Variants in HDAC9 observed in about 807,000 individuals in gnomAD.
The protein encoded by HDAC9 is MEF-2 interacting transcription repressor (MITR) protein.
HDAC9 carries 41 observed loss-of-function variants against 139.4 expected under a neutral mutation model. The observed-to-expected ratio is 0.29, with a 90% confidence interval of 0.23 to 0.38. The LOEUF is 0.38. Among genes scored for constraint, HDAC9 ranks in the 10% least tolerant of loss-of-function variants. HDAC9 has a pLI of 1.00. For synonymous variants in HDAC9, 517 were observed against 476.2 expected (o/e 1.09, Z -1.12); for missense variants, 1,147 against 1,297.0 (o/e 0.88, Z 1.78).
chr7:18,948,984 T>A, intron 23 of HDAC9: 1 of 392,364 alleles, frequency 2.5e-6, no homozygotes, highest in Non-Finnish European at 4.9e-6. Flanking sequence ...TTGATGAAAT[T>A]GGTTTCCAAT....
At chr7:18,688,114 G>A (rs1333907776) in intron 12 of HDAC9, among the ~76,000 whole-genome samples, 1 of 151,668 alleles carries the variant, frequency 6.6e-6, no homozygotes, top group African/African-American at 2.4e-5. Context: ...CTATATGTGT[G>A]TGTATTATTT....
At chr7:18,480,515 G>A (rs1019376847) in intron 1 of HDAC9, among the ~76,000 whole-genome samples, 31 of 152,182 alleles carry the variant, frequency 2.0e-4, no homozygotes, top group African/African-American at 6.0e-4. Context: ...GGGAGGGAGA[G>A]TGGTTAGGTA....
chr7:18,614,500 T>A (rs983254857), intron 6 of HDAC9, among the ~76,000 whole-genome samples: 2 of 152,168 alleles, frequency 1.3e-5, no homozygotes, highest in Admixed American at 6.6e-5. Flanking sequence ...TTTTCAGATG[T>A]ATTTTTTTTT....
intron 17 of HDAC9, among the ~76,000 whole-genome samples, chr7:18,819,590 C>G (rs1264213735): frequency 5.9e-5 from 9 of 152,036 alleles, no homozygotes; most frequent in Non-Finnish European, 1.0e-4. Context: ...CAAATATTCT[C>G]TTGTACTTCC....
intron 3 of HDAC9, among the ~76,000 whole-genome samples, chr7:18,588,342 C>T (rs1448404229): frequency 1.3e-5 from 2 of 151,704 alleles, no homozygotes; most frequent in Non-Finnish European, 2.9e-5. Flanking sequence ...CTGAAATGCC[C>T]GGGACCAGAA....
intron 1 of HDAC9, among the ~76,000 whole-genome samples, chr7:18,100,889 A>G (rs111814191): frequency 0.011 from 1,707 of 152,138 alleles, 20 homozygotes; most frequent in Non-Finnish European, 0.019. Flanking sequence ...GGATGCAATT[A>G]GTTACTGGGA....
chr7:18,171,917 C>A (rs1338682306), intron 2 of HDAC9, among the ~76,000 whole-genome samples: 4 of 151,608 alleles, frequency 2.6e-5, no homozygotes, highest in Non-Finnish European at 5.9e-5. Context: ...CTTTTTGTTG[C>A]GTCTCTGACA....
chr7:18,667,382 TA>T (rs1283729299), intron 12 of HDAC9: 1 of 981,754 alleles, frequency 1.0e-6, no homozygotes, highest in Non-Finnish European at 1.2e-6. Flanking sequence ...TATCATATTT[TA>T]TATTGTCACT....
intron 12 of HDAC9, among the ~76,000 whole-genome samples, chr7:18,708,341 A>C (rs1157542969): frequency 6.6e-6 from 1 of 152,184 alleles, no homozygotes; most frequent in African/African-American, 2.4e-5. Context: ...CTGCCTTGAA[A>C]GGCCAGCTGA....
chr7:18,882,665 G>C (rs1799821303), intron 22 of HDAC9, among the ~76,000 whole-genome samples: 1 of 151,510 alleles, frequency 6.6e-6, no homozygotes, highest in Non-Finnish European at 1.5e-5. Flanking sequence ...AAAAGTGGGT[G>C]GGGAAGGGAG....
intron 2 of HDAC9, among the ~76,000 whole-genome samples, chr7:18,173,310 T>G (rs1788599176): frequency 1.3e-5 from 2 of 152,240 alleles, no homozygotes; most frequent in Non-Finnish European, 2.9e-5. Context: ...GCTTGGTAGA[T>G]CTTCCTCCAT....
intron 12 of HDAC9, among the ~76,000 whole-genome samples, chr7:18,718,207 C>T (rs1784852397): frequency 6.6e-6 from 1 of 152,080 alleles, no homozygotes; most frequent in South Asian, 2.1e-4. Flanking sequence ...TTATGTAAAT[C>T]GTATTGTATG....
intron 1 of HDAC9, among the ~76,000 whole-genome samples, chr7:18,313,939 T>C (rs755577697): frequency 6.6e-6 from 1 of 152,172 alleles, no homozygotes; most frequent in Non-Finnish European, 1.5e-5. Context: ...ATTTCAGGGA[T>C]CTACATTGGT....
chr7:18,524,016 A>G (rs1805968498), intron 2 of HDAC9, among the ~76,000 whole-genome samples: 1 of 151,988 alleles, frequency 6.6e-6, no homozygotes, highest in Non-Finnish European at 1.5e-5. Flanking sequence ...TGAAGTGTAG[A>G]GCAACACTGA....
chr7:18,338,049 T>A (rs1195796916), intron 1 of HDAC9, among the ~76,000 whole-genome samples: 2 of 151,792 alleles, frequency 1.3e-5, no homozygotes, highest in Admixed American at 6.6e-5. Context: ...TATTTTTCAC[T>A]ATTGTTTTGA....
chr7:18,663,964 A>G (rs1373566168), intron 11 of HDAC9, among the ~76,000 whole-genome samples: 1 of 152,070 alleles, frequency 6.6e-6, no homozygotes, highest in Admixed American at 6.6e-5. Flanking sequence ...CAGTGTCCTT[A>G]TTCCTGGCAT....
At chr7:18,611,092 GA>G (rs1343265805) in intron 6 of HDAC9, among the ~76,000 whole-genome samples, 1 of 152,098 alleles carries the variant, frequency 6.6e-6, no homozygotes, top group Non-Finnish European at 1.5e-5. Context: ...GTATTTTCCA[GA>G]GAAATGCATT....
chr7:18,805,854 GC>G (rs551865301), intron 17 of HDAC9, among the ~76,000 whole-genome samples: 59 of 152,306 alleles, frequency 3.9e-4, no homozygotes, highest in Admixed American at 3.4e-3. Context: ...AGTCTCCAGA[GC>G]TGTAGGATCT....
At chr7:18,694,146 A>G (rs1034521769) in intron 12 of HDAC9, among the ~76,000 whole-genome samples, 8 of 152,184 alleles carry the variant, frequency 5.3e-5, no homozygotes, top group Admixed American at 2.0e-4. Flanking sequence ...ACCCACACCT[A>G]TGATGACCCA....
Sources: allele counts gnomAD v4.1 joint callset (sites outside exome capture counted in the v4.1 genomes callset), GRCh38; gene constraint gnomAD v4.1.1; transcripts MANE v1.5; gene names NCBI Gene and HGNC (gene_info 2026-07-23, HGNC 2026-07-21).